The following PCLO variants were observed in gnomAD, a reference collection of about 807,000 sequenced individuals.
PCLO encodes the protein protein piccolo.
Under a neutral mutation model 427.5 loss-of-function variants are expected in PCLO, and 82 were observed. The ratio of observed to expected loss-of-function variants is 0.19; its 90% CI spans 0.16 to 0.23. The LOEUF (loss-of-function observed/expected upper bound fraction) is 0.23. PCLO is among the 10% of genes least tolerant of loss of function. The probability of loss-of-function intolerance (pLI) is 1.00; values close to 1 mark genes in which losing one functional copy is unlikely to be tolerated. For missense variants in PCLO, 6,239 were observed against 6,115.9 expected (o/e 1.02, Z -0.67); for synonymous variants, 2,357 against 2,155.4 (o/e 1.09, Z -2.59).
At position 82,949,646 on chromosome 7, in the gene PCLO, G is replaced by A; in HGVS notation, c.10942C>T (p.Pro3648Ser). The A allele has an allele frequency of 6.2e-7, 1 of 1,613,834 alleles. No homozygotes were observed. The highest frequency in any genetic ancestry group is 8.5e-7 in the Non-Finnish European group (1 of 1,179,856). Residue 3648 changes from proline (P) to serine (S), a missense_variant, in exon 6 of 25, where the codon CCT becomes TCT. Pro to Ser is a moderately conservative substitution (Grantham distance 74). This residue lies in a region of PCLO where 4,677 missense variants were observed against 4,468.4 expected (regional missense o/e 1.05). Transcript: ENST00000333891. Reference sequence around the variant, plus strand: ...ACTTTCTGTGGACTTATATCATCAGGGAGGGGTTTTTCATAAGGTACAAAG... The same window carrying A: ...ACTTTCTGTGGACTTATATCATCAGAGAGGGGTTTTTCATAAGGTACAAAG... ...SAFVPYEKPL[P>S]DDISPQKVLH...
chr7:83,094,525 C>T (rs183890836), intron 3 of PCLO, among the ~76,000 whole-genome samples: 7 of 152,200 alleles, frequency 4.6e-5, no homozygotes, highest in Non-Finnish European at 5.9e-5. Context: ...GACTTTCTAA[C>T]TCAGCATAGT....
At chr7:82,884,984 CTT>C (rs1018311722) in intron 9 of PCLO, among the ~76,000 whole-genome samples, 2 of 151,942 alleles carry the variant, frequency 1.3e-5, no homozygotes, top group Non-Finnish European at 2.9e-5. Context: ...AATATAGTGT[CTT>C]TTGTTGGATT....
At chr7:83,038,010 T>C (rs1562932799) in intron 3 of PCLO, among the ~76,000 whole-genome samples, 5 of 44,750 alleles carry the variant, frequency 1.1e-4, no homozygotes, top group African/African-American at 1.5e-4. Flanking sequence ...TATATATATA[T>C]ATATATATAT....
At chr7:83,127,815 T>A (rs1424291746) in intron 3 of PCLO, among the ~76,000 whole-genome samples, 1 of 152,088 alleles carries the variant, frequency 6.6e-6, no homozygotes, top group East Asian at 1.9e-4. Flanking sequence ...TAAAGTTTGA[T>A]AAAGCCACAG....
chr7:82,905,960 C>T (rs1424948559), intron 8 of PCLO, among the ~76,000 whole-genome samples: 1 of 151,518 alleles, frequency 6.6e-6, no homozygotes, highest in Non-Finnish European at 1.5e-5. Context: ...CTGTGCAATT[C>T]ACAAAGCAGT....
intron 3 of PCLO, among the ~76,000 whole-genome samples, chr7:83,016,889 A>T (rs1417304299): frequency 6.6e-6 from 1 of 152,122 alleles, no homozygotes; most frequent in Non-Finnish European, 1.5e-5. Flanking sequence ...ACCCCCTAGG[A>T]CAGATAGCAG....
chr7:82,943,790 G>A (rs1795138571), intron 6 of PCLO, among the ~76,000 whole-genome samples: 2 of 151,916 alleles, frequency 1.3e-5, no homozygotes, highest in Admixed American at 1.3e-4. Flanking sequence ...AATACTAGAT[G>A]GAAATAAATG....
intron 3 of PCLO, among the ~76,000 whole-genome samples, chr7:82,971,488 A>AGC: frequency 6.7e-6 from 1 of 148,884 alleles, no homozygotes; most frequent in East Asian, 1.9e-4. Flanking sequence ...CTATTATATC[A>AGC]AATTTTATAT....
intron 18 of PCLO, among the ~76,000 whole-genome samples, chr7:82,825,747 T>C (rs1791921473): frequency 7.9e-6 from 1 of 126,556 alleles, no homozygotes; most frequent in Non-Finnish European, 1.8e-5. Context: ...TTATACATTG[T>C]ATATAGACAT....
chr7:82,908,186 T>TA (rs1794236322), intron 8 of PCLO, among the ~76,000 whole-genome samples: 1 of 152,072 alleles, frequency 6.6e-6, no homozygotes, highest in Non-Finnish European at 1.5e-5. Context: ...ACTCAACTCT[T>TA]AGTCTCGTAG....
intron 3 of PCLO, among the ~76,000 whole-genome samples, chr7:83,012,437 G>A (rs1351836917): frequency 6.6e-6 from 1 of 151,804 alleles, no homozygotes; most frequent in Non-Finnish European, 1.5e-5. Context: ...GACCAACATG[G>A]AAAAACCCCA....
chr7:83,112,308 A>T (rs567597478), intron 3 of PCLO, among the ~76,000 whole-genome samples: 1 of 152,252 alleles, frequency 6.6e-6, no homozygotes, highest in Non-Finnish European at 1.5e-5. Flanking sequence ...CGCCCACCTC[A>T]GTCTCCCAAA....
intron 1 of PCLO, among the ~76,000 whole-genome samples, chr7:83,159,557 C>T (rs781487304): frequency 1.4e-4 from 21 of 152,010 alleles, no homozygotes; most frequent in Non-Finnish European, 1.5e-4. Context: ...TACTACACCT[C>T]CCTTTTCATT....
intron 16 of PCLO, among the ~76,000 whole-genome samples, chr7:82,832,800 T>TACTCACAC (rs1792127972): frequency 7.1e-6 from 1 of 140,614 alleles, no homozygotes; most frequent in African/African-American, 2.7e-5. Flanking sequence ...CTAAACTTAC[T>TACTCACAC]ACACACACAC....
Position 83,074,348 on chromosome 7 carries a change from T to C in PCLO, c.3300+59902A>G, listed in dbSNP as rs904006362. 5.3e-5 allele frequency among the ~76,000 whole-genome samples: 8 copies of C among 152,198 alleles called. No individual in the cohort carries two copies. The East Asian group carries it at 1.5e-3, about 29-fold the overall frequency. ...GATCCTCTAGACACACAAAAGTTAG[T>C]ACATCCTAGAATTATTTGTACTAAG... On this transcript the variant is annotated intron_variant, in intron 3 of 24. Coordinates refer to ENST00000333891, the MANE Select transcript of PCLO (RefSeq NM_033026.6).
At chr7:83,008,263 A>G (rs529531720) in intron 3 of PCLO, among the ~76,000 whole-genome samples, 41 of 151,814 alleles carry the variant, frequency 2.7e-4, no homozygotes, top group Non-Finnish European at 3.1e-4. Context: ...GAGCCTAAAT[A>G]TCTTCTTTTA....
intron 3 of PCLO, among the ~76,000 whole-genome samples, chr7:83,113,976 A>T (rs1409590631): frequency 6.6e-6 from 1 of 152,168 alleles, no homozygotes; most frequent in Non-Finnish European, 1.5e-5. Flanking sequence ...ACCTTAAAAG[A>T]AATATATAAG....
intron 3 of PCLO, among the ~76,000 whole-genome samples, chr7:83,105,072 TTAAAC>T (rs1790821723): frequency 6.6e-6 from 1 of 152,178 alleles, no homozygotes. Flanking sequence ...GGATAGAAGT[TTAAAC>T]TAAGCAAACA....
At chr7:83,064,998 A>G (rs139796315) in intron 3 of PCLO, among the ~76,000 whole-genome samples, 23 of 150,876 alleles carry the variant, frequency 1.5e-4, no homozygotes, top group African/African-American at 5.6e-4. Flanking sequence ...CATTTCCTTC[A>G]CTGGAATCGT....
Sources: allele counts gnomAD v4.1 joint callset (sites outside exome capture counted in the v4.1 genomes callset), GRCh38; gene constraint gnomAD v4.1.1; regional missense constraint gnomAD v4.1.1; transcripts MANE v1.5; gene names NCBI Gene and HGNC (gene_info 2026-07-23, HGNC 2026-07-21).